ARMH3: variants seen among roughly 807,000 people sequenced by gnomAD.
ARMH3 encodes the protein armadillo like helical domain containing 3.
In ARMH3, 60 loss-of-function variants were observed where a neutral mutation model predicts 99.1. The observed-to-expected ratio is 0.61, with a 90% CI of 0.49 to 0.75. The LOEUF is 0.75. Among genes scored for constraint, ARMH3 ranks in the 30% least tolerant of loss-of-function variants. The probability of loss-of-function intolerance (pLI) is 0.00; values close to 1 mark genes in which losing one functional copy is unlikely to be tolerated. For synonymous variants in ARMH3, 285 were observed against 292.8 expected (o/e 0.97, Z 0.27); for missense variants, 679 against 843.1 (o/e 0.81, Z 2.41).
At chr10:101,874,528 G>C (rs1355572820) in intron 24 of ARMH3, among the ~76,000 whole-genome samples, 1 of 152,098 alleles carries the variant, frequency 6.6e-6, no homozygotes, top group African/African-American at 2.4e-5. Flanking sequence ...ACTCCAGGTA[G>C]CAAACAACAG....
chr10:101,960,022 C>T (rs756343908), intron 20 of ARMH3, among the ~76,000 whole-genome samples: 7 of 152,086 alleles, frequency 4.6e-5, no homozygotes, highest in Non-Finnish European at 8.8e-5. Context: ...TACTAAAATA[C>T]AAAAAATTAG....
At chr10:101,976,503 A>C (rs1846020721) in intron 19 of ARMH3, among the ~76,000 whole-genome samples, 1 of 151,752 alleles carries the variant, frequency 6.6e-6, no homozygotes, top group African/African-American at 2.4e-5. Flanking sequence ...ATAAGTCAAT[A>C]ATCAATTAGG....
At chr10:101,968,475 A>C (rs1845631091) in intron 20 of ARMH3, among the ~76,000 whole-genome samples, 2 of 152,176 alleles carry the variant, frequency 1.3e-5, no homozygotes, top group Admixed American at 1.3e-4. Context: ...ACCACATGAC[A>C]TGTCCCTTTG....
intron 9 of ARMH3, 48 bp downstream of exon 9, chr10:102,013,920 C>A: frequency 6.9e-7 from 1 of 1,444,594 alleles, no homozygotes; most frequent in Non-Finnish European, 9.6e-7. Context: ...AAAGTAATAC[C>A]ATTGAATGCA....
At chr10:101,889,328 C>G (rs1589970927) in intron 24 of ARMH3, 84 bp downstream of exon 24, 2 of 1,346,616 alleles carry the variant, frequency 1.5e-6, no homozygotes, top group East Asian at 4.6e-5. Context: ...AAAGCTCAGT[C>G]ACAGAATCCC....
chr10:101,958,850 C>A (rs2135820791), intron 20 of ARMH3, among the ~76,000 whole-genome samples: 1 of 152,252 alleles, frequency 6.6e-6, no homozygotes, highest in Non-Finnish European at 1.5e-5. Context: ...TCTCCAGACT[C>A]TTGCTGCCTA....
chr10:101,959,886 T>C (rs1845201631), intron 20 of ARMH3, among the ~76,000 whole-genome samples: 1 of 152,082 alleles, frequency 6.6e-6, no homozygotes, highest in African/African-American at 2.4e-5. Context: ...AAGTAAGAAT[T>C]CTCTACAGGG....
rs2066633390 is a variant in ARMH3, at chr10:102,011,728, T to C, written c.826A>G (p.Asn276Asp). 6.2e-7 allele frequency: 1 copy of C among 1,608,456 alleles called. No individual in the cohort carries two copies. Among genetic ancestry groups the C allele is most frequent in the Non-Finnish European group, 8.5e-7 (1 of 1,177,532 alleles). The change falls in exon 11 of 26, where the codon AAT becomes GAT. Residue 276 changes from asparagine to aspartate, a missense_variant. Physicochemically the swap from Asn to Asp is conservative, Grantham distance 23 (BLOSUM62 1). Coordinates refer to ENST00000370033, the MANE Select transcript of ARMH3 (RefSeq NM_024541.3). ...AAAAAAAAAGCAGGACTTACCATAT[T>C]TGTTAAAGCAGAGAAAAAACCACTT... ...HQSGFFSALT[N>D]MVGSMFIADA...
In ARMH3 at chr10:102,014,011, T is replaced by A; in HGVS notation, c.683A>T (p.Tyr228Phe). Residue 228 changes from tyrosine (Y) to phenylalanine (F), a missense_variant, in exon 9 of 26, where the codon TAT becomes TTT. Tyr to Phe is a conservative substitution (Grantham distance 22). Coordinates refer to ENST00000370033, the MANE Select transcript of ARMH3 (RefSeq NM_024541.3). ...ATCCACGATAGACAGCTTCACAATA[T>A]AAGGATTCACAGACTGTTAAATAAG... is the stretch of plus-strand genomic sequence containing the variant. ...NYRKYESVNP[Y>F]IVKLSIVDDE... 6.2e-7 allele frequency: 1 copy of A among 1,611,346 alleles called. No individual in the cohort carries two copies. The highest frequency in any genetic ancestry group is 8.5e-7 in the Non-Finnish European group (1 of 1,178,498).
intron 19 of ARMH3, among the ~76,000 whole-genome samples, chr10:101,978,107 T>A (rs1252937772): frequency 2.6e-5 from 4 of 152,194 alleles, no homozygotes; most frequent in Non-Finnish European, 4.4e-5. Flanking sequence ...TTAAAAGGCA[T>A]ATTAAAACAT....
intron 24 of ARMH3, among the ~76,000 whole-genome samples, chr10:101,854,714 A>C (rs1178171693): frequency 6.6e-6 from 1 of 152,146 alleles, no homozygotes; most frequent in Admixed American, 6.5e-5. Context: ...TCAGAGACCT[A>C]AGTTTTAGTT....
chr10:101,956,501 AAAC>A, intron 22 of ARMH3, 93 bp downstream of exon 22: 1 of 1,482,820 alleles, frequency 6.7e-7, no homozygotes, highest in Non-Finnish European at 9.2e-7. Flanking sequence ...ACAGGGCACC[AAAC>A]AACTAGAGGA....
At chr10:102,014,365 T>C (rs1428656572) in intron 8 of ARMH3, among the ~76,000 whole-genome samples, 2 of 152,262 alleles carry the variant, frequency 1.3e-5, no homozygotes, top group Non-Finnish European at 2.9e-5. Flanking sequence ...AACACTCATT[T>C]TGTCCTACCC....
At chr10:102,018,003 A>C (rs1044178820) in intron 8 of ARMH3, among the ~76,000 whole-genome samples, 1 of 152,130 alleles carries the variant, frequency 6.6e-6, no homozygotes, top group Non-Finnish European at 1.5e-5. Flanking sequence ...CCAGAAGCTC[A>C]AAAAAGAAAA....
chr10:102,019,609 T>A (rs1010991908), intron 8 of ARMH3, among the ~76,000 whole-genome samples: 4 of 152,096 alleles, frequency 2.6e-5, no homozygotes, highest in African/African-American at 9.7e-5. Flanking sequence ...AGTTTTTAAC[T>A]AAAAAGTTTT....
At chr10:101,967,201 A>G (rs750838200) in intron 20 of ARMH3, among the ~76,000 whole-genome samples, 5 of 152,222 alleles carry the variant, frequency 3.3e-5, no homozygotes, top group Non-Finnish European at 7.3e-5. Flanking sequence ...TAAAAGAATA[A>G]TATTACCATC....
In ARMH3 at chr10:101,951,842, T is replaced by G. The variant is rs553276170; in HGVS notation, c.1705+4755A>C. On this transcript the variant is annotated intron_variant, in intron 22 of 25. Coordinates refer to ENST00000370033, the MANE Select transcript of ARMH3 (RefSeq NM_024541.3). ...AAGATTGTGCCACTGCACTCCAGTG[T>G]GGGCCACAGAGCGAGACTCCGTCTC... Among the ~76,000 whole-genome samples, 6 of 133,280 alleles carry G rather than the reference T, an allele frequency of 4.5e-5. 1 individual carries two copies. In the South Asian group the frequency reaches 1.1e-3, roughly 25 times the overall value. 87.4% of individuals were successfully genotyped at this position (133,280 alleles called of 152,430 possible).
intron 2 of ARMH3, among the ~76,000 whole-genome samples, chr10:102,035,541 T>C (rs1181679242): frequency 2.6e-5 from 4 of 152,050 alleles, no homozygotes; most frequent in African/African-American, 7.2e-5. Context: ...GTGCCTGCGA[T>C]TGCAGGCGCG....
intron 1 of ARMH3, among the ~76,000 whole-genome samples, chr10:102,050,035 C>T (rs866739222): frequency 6.6e-6 from 1 of 152,052 alleles, no homozygotes; most frequent in Admixed American, 6.6e-5. Context: ...CCCAGCTACT[C>T]GGGAGTCTGA....
Sources: gnomAD v4.1 joint callset for allele counts (sites outside exome capture counted in the v4.1 genomes callset) on GRCh38, gnomAD v4.1.1 for gene constraint, MANE v1.5 for transcripts, NCBI Gene and HGNC (gene_info 2026-07-23, HGNC 2026-07-21) for gene names.